Variants in RFX7 observed in about 807,000 individuals in gnomAD.
RFX7 encodes DNA-binding protein RFX7.
A neutral mutation model predicts 111.8 loss-of-function variants in RFX7; 26 were observed. The observed-to-expected ratio is 0.23, with a 90% CI of 0.17 to 0.32. The LOEUF (loss-of-function observed/expected upper bound fraction) is 0.32, where lower values mean the gene tolerates loss of function less well. Among genes scored for constraint, RFX7 ranks in the 10% least tolerant of loss-of-function variants. The probability of loss-of-function intolerance (pLI) is 1.00; values close to 1 mark genes in which losing one functional copy is unlikely to be tolerated. For missense variants in RFX7, 1,573 were observed against 1,772.9 expected (o/e 0.89, Z 2.02); for synonymous variants, 624 against 624.4 (o/e 1.00, Z 0.01).
chr15:56,115,930 G>A (rs2042003624), intron 5 of RFX7, among the ~76,000 whole-genome samples: 2 of 147,922 alleles, frequency 1.4e-5, no homozygotes, highest in African/African-American at 2.5e-5. Flanking sequence ...CCAACAGAGC[G>A]AGACTCCGTC....
At chr15:56,231,615 C>A (rs1386051238) in intron 2 of RFX7, among the ~76,000 whole-genome samples, 1 of 151,900 alleles carries the variant, frequency 6.6e-6, no homozygotes, top group Non-Finnish European at 1.5e-5. Context: ...CAGAGCCAAA[C>A]CATTTCATTC....
At chr15:56,244,513 TC>T (rs1257619050), upstream of RFX7, among the ~76,000 whole-genome samples, 4 of 152,070 alleles carry the variant, frequency 2.6e-5, no homozygotes, top group Non-Finnish European at 5.9e-5. Context: ...CTCCATGCCA[TC>T]CTCAACGCGC....
intron 6 of RFX7, 41 bp downstream of exon 6, chr15:56,103,513 G>T: frequency 7.8e-7 from 1 of 1,275,166 alleles, no homozygotes; most frequent in Non-Finnish European, 1.1e-6. Context: ...TAACAAGTGA[G>T]AACACAGAGA....
At chr15:56,175,687 T>G (rs1236092339) in intron 3 of RFX7, among the ~76,000 whole-genome samples, 1 of 152,122 alleles carries the variant, frequency 6.6e-6, no homozygotes, top group African/African-American at 2.4e-5. Flanking sequence ...AAATAAACCT[T>G]GAAGTTCAAC....
At chr15:56,147,314 T>C (rs1477040553) in intron 3 of RFX7, among the ~76,000 whole-genome samples, 1 of 152,152 alleles carries the variant, frequency 6.6e-6, no homozygotes, top group South Asian at 2.1e-4. Flanking sequence ...CTTGAAAACA[T>C]CGTGCTAAGT....
At chr15:56,221,947 G>A (rs2043431155) in intron 2 of RFX7, among the ~76,000 whole-genome samples, 1 of 152,150 alleles carries the variant, frequency 6.6e-6, no homozygotes, top group South Asian at 2.1e-4. Flanking sequence ...CTCCTACAGA[G>A]AGATCAATTC....
rs1457812759 is a variant in RFX7, at chr15:56,095,031, T to C, written c.2697A>G (p.Ser899=). Reference sequence around the variant, plus strand: ...TGCCGTAAGAATGAGAATTGTTCATTGACATTTGCTGCTCCATAAGCACCA... The same window carrying C: ...TGCCGTAAGAATGAGAATTGTTCATCGACATTTGCTGCTCCATAAGCACCA... ...EELVLMEQQM[S]MNNSHSYGNC... The change falls in exon 10 of 10, where the codon TCA becomes TCG. Residue 899 remains serine (S), a synonymous_variant. Coordinates refer to ENST00000559447, the MANE Select transcript of RFX7 (RefSeq NM_022841.7). The C allele has an allele frequency of 6.2e-7, 1 of 1,613,932 alleles. No individual in the cohort carries two copies. The highest frequency in any genetic ancestry group is 8.5e-7 in the Non-Finnish European group (1 of 1,179,874).
chr15:56,087,533 C>A lies in RFX7; in HGVS notation c.*5812G>T, dbSNP rs1165919571. The stretch of plus-strand genomic sequence containing the variant: ...CACTGCAAAGAAGTAGCACCCAAAC[C>A]TTTTGGTTACATCTCTTTGAGTACT... On this transcript the variant is annotated 3_prime_UTR_variant, in exon 10 of 10. Coordinates refer to ENST00000559447, the MANE Select transcript of RFX7 (RefSeq NM_022841.7). 2.2e-6 allele frequency: 1 copy of A among 456,556 alleles called. No homozygotes were observed. The highest frequency in any genetic ancestry group is 4.4e-6 in the Non-Finnish European group (1 of 226,970). 28.3% of individuals were successfully genotyped at this position (456,556 alleles called of 1,614,324 possible). A position where few individuals can be genotyped will look rare whatever the true frequency, so the allele number is the denominator to read the frequency against.
chr15:56,241,598 C>A (rs1199018387), intron 2 of RFX7, among the ~76,000 whole-genome samples: 7 of 152,158 alleles, frequency 4.6e-5, no homozygotes, highest in Admixed American at 2.6e-4. Flanking sequence ...AAAACACACA[C>A]ACATACACAC....
chr15:56,144,245 C>G (rs961077863), intron 4 of RFX7, among the ~76,000 whole-genome samples, 156 bp downstream of exon 4: 1 of 152,064 alleles, frequency 6.6e-6, no homozygotes, highest in South Asian at 2.1e-4. Flanking sequence ...CCAAATATCA[C>G]CAAAGACTAA....
At position 56,095,439 on chromosome 15, in the gene RFX7, A is replaced by C. The variant is rs1198669905; in HGVS notation, c.2289T>G (p.Ser763Arg). Residue 763 changes from serine to arginine, a missense_variant, in exon 10 of 10, where the codon AGT becomes AGG. Around this residue, in one of 7 missense-constraint regions of RFX7, gnomAD observed 625 missense variants for 632.2 expected, o/e 0.99. Transcript: ENST00000559447. The stretch of plus-strand genomic sequence containing the variant: ...TTGAATCACTGTCCAAGAGAAAGAC[A>C]CTTCCTTCAAGTTTTACTTTTATAT... ...SPDIKVKLEG[S>R]VFLLDSDSKS... The C allele has an allele frequency of 3.1e-6, 5 of 1,612,600 alleles. No individual in the cohort carries two copies. The highest frequency in any genetic ancestry group is 2.5e-6 in the Non-Finnish European group (3 of 1,179,872).
At chr15:56,109,943 C>G (rs1309954884) in intron 5 of RFX7, among the ~76,000 whole-genome samples, 156 of 150,608 alleles carry the variant, frequency 1.0e-3, no homozygotes, top group African/African-American at 3.6e-3. Context: ...CCTGGCCAGC[C>G]GCCCCATCCG....
At chr15:56,128,508 A>G (rs1462693348) in intron 5 of RFX7, among the ~76,000 whole-genome samples, 1 of 152,204 alleles carries the variant, frequency 6.6e-6, no homozygotes, top group African/African-American at 2.4e-5. Context: ...AGATGCAGAA[A>G]AAACGTTTGA....
Position 56,241,116 on chromosome 15 carries a change from T to C in RFX7, c.161+2009A>G, listed in dbSNP as rs2043684574. ...TCATTAGATGCCAATAAGTGTATCA[T>C]TACAATTTTAAAACAAAAATATAAA... On this transcript the variant is annotated intron_variant, in intron 2 of 9. Transcript: ENST00000559447. Among the ~76,000 whole-genome samples, 9 of 152,274 alleles carry C rather than the reference T, an allele frequency of 5.9e-5. No homozygotes were observed. In the South Asian group the frequency reaches 1.9e-3, roughly 32 times the overall value.
intron 2 of RFX7, among the ~76,000 whole-genome samples, chr15:56,206,043 A>C (rs1003531115): frequency 8.5e-5 from 13 of 152,182 alleles, no homozygotes; most frequent in African/African-American, 2.9e-4. Context: ...GGTTCATCAA[A>C]ATATTAAAAT....
At chr15:56,217,490 C>T (rs1356516577) in intron 2 of RFX7, among the ~76,000 whole-genome samples, 10 of 151,006 alleles carry the variant, frequency 6.6e-5, no homozygotes, top group Admixed American at 6.6e-4. Context: ...ATGTCACATA[C>T]TCTGAATTTG....
At chr15:56,182,997 G>A (rs1280188836) in intron 2 of RFX7, among the ~76,000 whole-genome samples, 1 of 151,786 alleles carries the variant, frequency 6.6e-6, no homozygotes, top group Non-Finnish European at 1.5e-5. Flanking sequence ...GCATATATAT[G>A]CCATTTATAC....
intron 2 of RFX7, 61 bp downstream of exon 2, chr15:56,243,064 C>CCCCCCTTT: frequency 8.9e-7 from 1 of 1,128,234 alleles, no homozygotes; most frequent in Non-Finnish European, 1.2e-6. Flanking sequence ...CCGCCCCCCA[C>CCCCCCTTT]CCACTTTGCA....
At chr15:56,229,894 T>A (rs1026307246) in intron 2 of RFX7, among the ~76,000 whole-genome samples, 8 of 152,110 alleles carry the variant, frequency 5.3e-5, no homozygotes, top group African/African-American at 1.7e-4. Flanking sequence ...TAGCCACTTG[T>A]ATGAATTTGA....
Sources: allele counts gnomAD v4.1 joint callset (sites outside exome capture counted in the v4.1 genomes callset), GRCh38; gene constraint gnomAD v4.1.1; regional missense constraint gnomAD v4.1.1; transcripts MANE v1.5; gene names NCBI Gene and HGNC (gene_info 2026-07-23, HGNC 2026-07-21).